Variants in FTCDNL1 observed in about 807,000 individuals in gnomAD.
FTCDNL1 encodes the protein formiminotransferase N-terminal subdomain-containing protein.
Under a neutral mutation model 5.9 loss-of-function variants are expected in FTCDNL1, and 11 were observed. That is an observed-to-expected ratio of 1.87 (90% CI 1.18 to 3.10). The LOEUF is 3.10. Ranked by LOEUF, FTCDNL1 falls within the 30% of genes most tolerant of loss-of-function variation. FTCDNL1 has a pLI of 0.00. For synonymous variants in FTCDNL1, 58 were observed against 24.8 expected (o/e 2.34, Z -3.99); for missense variants, 115 against 65.5 (o/e 1.76, Z -2.61).
chr2:199,798,536 T>C (rs1398376058), intron 3 of FTCDNL1, among the ~76,000 whole-genome samples: 1 of 152,228 alleles, frequency 6.6e-6, no homozygotes, highest in African/African-American at 2.4e-5. Flanking sequence ...CACATGAGGA[T>C]GAGCTCAAGG....
At chr2:199,825,047 A>C (rs1411338142) in intron 3 of FTCDNL1, among the ~76,000 whole-genome samples, 1 of 151,550 alleles carries the variant, frequency 6.6e-6, no homozygotes, top group Non-Finnish European at 1.5e-5. Flanking sequence ...CTGAGATCAG[A>C]GGATTGCTTC....
intron 3 of FTCDNL1, among the ~76,000 whole-genome samples, chr2:199,841,619 C>T (rs994184187): frequency 6.6e-6 from 1 of 151,990 alleles, no homozygotes; most frequent in East Asian, 1.9e-4. Flanking sequence ...TATTATTTTA[C>T]CTCTGCCAAC....
chr2:199,746,732 A>T, the FTCDNL1 span, among the ~76,000 whole-genome samples: 1 of 151,922 alleles, frequency 6.6e-6, no homozygotes, highest in Admixed American at 6.6e-5. Context: ...CTCCACCGAG[A>T]ATCACAAGCA....
chr2:199,826,838 A>G (rs1702069211), intron 3 of FTCDNL1, among the ~76,000 whole-genome samples: 1 of 152,204 alleles, frequency 6.6e-6, no homozygotes, highest in Non-Finnish European at 1.5e-5. Flanking sequence ...TCCTTCCTGC[A>G]TGAACAGTAT....
chr2:199,704,303 C>T, the FTCDNL1 span, among the ~76,000 whole-genome samples: 1 of 152,134 alleles, frequency 6.6e-6, no homozygotes, highest in Non-Finnish European at 1.5e-5. Context: ...TTCCCAATTA[C>T]TGTAAGTTAA....
chr2:199,805,001 G>A (rs772517307), downstream of FTCDNL1, among the ~76,000 whole-genome samples: 9 of 152,192 alleles, frequency 5.9e-5, no homozygotes, highest in African/African-American at 1.9e-4. Flanking sequence ...GGGCTCAGGC[G>A]TCTGAGGAAG....
intron 3 of FTCDNL1, among the ~76,000 whole-genome samples, chr2:199,795,998 G>C (rs1700152386): frequency 6.6e-6 from 1 of 152,034 alleles, no homozygotes; most frequent in Non-Finnish European, 1.5e-5. Flanking sequence ...TTGCTATGTG[G>C]AAAGGATAGC....
At chr2:199,714,174 G>A in the FTCDNL1 span, among the ~76,000 whole-genome samples, 3 of 152,144 alleles carry the variant, frequency 2.0e-5, no homozygotes, top group South Asian at 4.1e-4. Flanking sequence ...TGATGCAGAC[G>A]ATTTATGTCT....
intron 3 of FTCDNL1, among the ~76,000 whole-genome samples, chr2:199,789,439 A>T (rs1340559212): frequency 6.6e-6 from 1 of 152,188 alleles, no homozygotes; most frequent in Admixed American, 6.5e-5. Flanking sequence ...TCTCTATTTT[A>T]AAAACTTTAA....
At chr2:199,759,009 C>T (rs77828168), downstream of FTCDNL1, among the ~76,000 whole-genome samples, 1 of 151,998 alleles carries the variant, frequency 6.6e-6, no homozygotes, top group Non-Finnish European at 1.5e-5. Context: ...ACAAAATGTA[C>T]AGTGTAATAT....
chr2:199,750,670 G>A, the FTCDNL1 span, among the ~76,000 whole-genome samples: 4 of 152,200 alleles, frequency 2.6e-5, no homozygotes, highest in Non-Finnish European at 5.9e-5. Flanking sequence ...AAGTGAATCA[G>A]AGAGCCAGGT....
At chr2:199,794,075 CTAAA>C (rs1700061406) in intron 3 of FTCDNL1, among the ~76,000 whole-genome samples, 1 of 152,102 alleles carries the variant, frequency 6.6e-6, no homozygotes, top group Admixed American at 6.5e-5. Context: ...CAGAAATACT[CTAAA>C]TTTCATCATT....
the FTCDNL1 span, among the ~76,000 whole-genome samples, chr2:199,752,258 TA>T: frequency 6.6e-6 from 1 of 152,132 alleles, no homozygotes; most frequent in East Asian, 1.9e-4. Flanking sequence ...TCCCAGATAC[TA>T]CTTAGGTTCT....
At chr2:199,734,658 T>C in the FTCDNL1 span, among the ~76,000 whole-genome samples, 2 of 152,200 alleles carry the variant, frequency 1.3e-5, no homozygotes, top group East Asian at 3.8e-4. Flanking sequence ...GCAGTGAACA[T>C]GCTGGTATTT....
At chr2:199,747,362 A>G in the FTCDNL1 span, among the ~76,000 whole-genome samples, 2 of 151,982 alleles carry the variant, frequency 1.3e-5, no homozygotes, top group Non-Finnish European at 2.9e-5. Flanking sequence ...GGGCGCACAC[A>G]TTTTTGCGGC....
At chr2:199,840,968 T>A (rs746882812) in intron 3 of FTCDNL1, among the ~76,000 whole-genome samples, 11 of 151,858 alleles carry the variant, frequency 7.2e-5, no homozygotes, top group Non-Finnish European at 1.5e-4. Flanking sequence ...CTGGGCAACA[T>A]GACAAGACCC....
chr2:199,842,725 C>T (rs551521991), intron 3 of FTCDNL1, among the ~76,000 whole-genome samples: 3 of 152,200 alleles, frequency 2.0e-5, no homozygotes, highest in African/African-American at 7.2e-5. Flanking sequence ...ACAAAGTATA[C>T]ATAAATTACA....
At chr2:199,669,450 GT>G in the FTCDNL1 span, among the ~76,000 whole-genome samples, 3 of 152,178 alleles carry the variant, frequency 2.0e-5, no homozygotes, top group South Asian at 6.2e-4. Context: ...CCTCATTTTA[GT>G]TTTGAGTTAG....
At chr2:199,847,448 ATCT>A (rs757062021) in intron 2 of FTCDNL1, among the ~76,000 whole-genome samples, 7 of 152,198 alleles carry the variant, frequency 4.6e-5, no homozygotes, top group Non-Finnish European at 8.8e-5. Flanking sequence ...TTCATCCTAA[ATCT>A]TCTCCTGAAA....
Sources: allele counts gnomAD v4.1 joint callset (sites outside exome capture counted in the v4.1 genomes callset), GRCh38; gene constraint gnomAD v4.1.1; transcripts MANE v1.5; gene names NCBI Gene and HGNC (gene_info 2026-07-23, HGNC 2026-07-21).